Variants in KCNB2 observed in about 807,000 individuals in gnomAD.
KCNB2 encodes the protein potassium voltage-gated channel subfamily B member 2.
A neutral mutation model predicts 61.5 loss-of-function variants in KCNB2; 15 were observed. That is an observed-to-expected ratio of 0.24 (90% CI 0.16 to 0.38). The LOEUF is 0.38. KCNB2 is among the 10% of genes least tolerant of loss of function. The pLI is 1.00. For missense variants in KCNB2, 828 were observed against 1,125.2 expected, an observed-to-expected ratio of 0.74 and a Z score of 3.78; for synonymous variants, 457 against 446.0, an observed-to-expected ratio of 1.02 and a Z score of -0.31.
At chr8:72,619,152 A>T in intron 2 of KCNB2, 1 of 342,206 alleles carries the variant, frequency 2.9e-6, no homozygotes, top group Non-Finnish European at 5.7e-6. Flanking sequence ...TTCAATCTTG[A>T]TTTCTTCAGT....
intron 2 of KCNB2, among the ~76,000 whole-genome samples, chr8:72,655,739 G>C (rs1189143430): frequency 6.6e-6 from 1 of 152,102 alleles, no homozygotes; most frequent in Non-Finnish European, 1.5e-5. Flanking sequence ...TCATAATAAT[G>C]ATTAAGACTG....
chr8:72,641,038 G>A lies in KCNB2; in HGVS notation c.579+72725G>A, dbSNP rs539980236. Among the ~76,000 whole-genome samples, 4 of 152,202 alleles carry A rather than the reference G, an allele frequency of 2.6e-5. 1 individual carries two copies. The highest frequency in any genetic ancestry group is 2.6e-4 in the Admixed American group (4 of 15,262). ...GTAGGGGGCAGAGAAGTTGAGTAAA[G>A]GGACAATGAGAATTTTGAAAATGGA... On this transcript the variant is annotated intron_variant, in intron 2 of 2. Transcript: ENST00000523207.
chr8:72,758,770 G>T (rs1808333615), intron 2 of KCNB2, among the ~76,000 whole-genome samples: 1 of 152,140 alleles, frequency 6.6e-6, no homozygotes, highest in African/African-American at 2.4e-5. Flanking sequence ...GATTTAATTG[G>T]CAGTCATTGA....
intron 2 of KCNB2, among the ~76,000 whole-genome samples, chr8:72,868,747 G>A (rs1171689435): frequency 1.3e-5 from 2 of 152,098 alleles, no homozygotes; most frequent in East Asian, 1.9e-4. Context: ...AAAATGTGTT[G>A]TTCTAAATTG....
intron 2 of KCNB2, among the ~76,000 whole-genome samples, chr8:72,906,652 C>T (rs891704731): frequency 6.6e-6 from 1 of 152,174 alleles, no homozygotes; most frequent in Non-Finnish European, 1.5e-5. Flanking sequence ...GAGAGTGACT[C>T]ACAATGTTTT....
intron 2 of KCNB2, among the ~76,000 whole-genome samples, chr8:72,847,541 G>A (rs1157103372): frequency 1.3e-5 from 2 of 152,152 alleles, no homozygotes; most frequent in African/African-American, 2.4e-5. Flanking sequence ...GTATTCTTAT[G>A]TCAAGACTGT....
At chr8:72,823,575 T>C (rs1161330206) in intron 2 of KCNB2, among the ~76,000 whole-genome samples, 3 of 152,190 alleles carry the variant, frequency 2.0e-5, no homozygotes, top group African/African-American at 7.2e-5. Context: ...AGATAGAAGA[T>C]TCATGATGTT....
At chr8:72,626,099 A>T (rs2128984578) in intron 2 of KCNB2, among the ~76,000 whole-genome samples, 1 of 152,336 alleles carries the variant, frequency 6.6e-6, no homozygotes, top group Non-Finnish European at 1.5e-5. Flanking sequence ...TTTTCAGAAG[A>T]TCAAAGTCAC....
intron 2 of KCNB2, among the ~76,000 whole-genome samples, chr8:72,935,684 T>G (rs1319787409): frequency 6.6e-6 from 1 of 152,066 alleles, no homozygotes; most frequent in African/African-American, 2.4e-5. Context: ...CTCATCCAAA[T>G]GTTGGATGCC....
At chr8:72,629,570 C>T (rs1006398771) in intron 2 of KCNB2, among the ~76,000 whole-genome samples, 1 of 152,184 alleles carries the variant, frequency 6.6e-6, no homozygotes, top group African/African-American at 2.4e-5. Flanking sequence ...ATGTGATGCT[C>T]TGATTGGCTA....
At chr8:72,622,123 T>C (rs189638758) in intron 2 of KCNB2, among the ~76,000 whole-genome samples, 1 of 152,292 alleles carries the variant, frequency 6.6e-6, no homozygotes. Flanking sequence ...GATAAATTGA[T>C]AAATAAGATA....
At chr8:72,584,611 T>C (rs1470491080) in intron 2 of KCNB2, among the ~76,000 whole-genome samples, 1 of 152,166 alleles carries the variant, frequency 6.6e-6, no homozygotes, top group Admixed American at 6.5e-5. Flanking sequence ...CATAAACCAC[T>C]CTCACCTGCC....
intron 2 of KCNB2, among the ~76,000 whole-genome samples, chr8:72,814,835 T>A (rs2129000647): frequency 6.6e-6 from 1 of 152,254 alleles, no homozygotes; most frequent in East Asian, 1.9e-4. Context: ...TTGCTTTGAA[T>A]AAATAATGCA....
intron 2 of KCNB2, among the ~76,000 whole-genome samples, chr8:72,851,855 C>T (rs1192898426): frequency 2.6e-5 from 1 of 38,978 alleles, no homozygotes; most frequent in Non-Finnish European, 5.5e-5. Context: ...AAAACACGTA[C>T]TGCTGAGTTC....
intron 2 of KCNB2, among the ~76,000 whole-genome samples, chr8:72,787,660 T>G (rs1017633491): frequency 3.9e-5 from 6 of 152,040 alleles, no homozygotes; most frequent in Non-Finnish European, 8.8e-5. Context: ...GATTTCAGAG[T>G]AAAGTTTTGG....
chr8:72,765,504 TC>T (rs1386399001), intron 2 of KCNB2, among the ~76,000 whole-genome samples: 1 of 152,216 alleles, frequency 6.6e-6, no homozygotes, highest in Non-Finnish European at 1.5e-5. Flanking sequence ...TCTGAGAGGC[TC>T]CTCAGTTTTA....
At chr8:72,882,105 G>C (rs1019897256) in intron 2 of KCNB2, among the ~76,000 whole-genome samples, 3 of 152,080 alleles carry the variant, frequency 2.0e-5, no homozygotes, top group Non-Finnish European at 4.4e-5. Context: ...ATGTACTGAA[G>C]TGATCAGGTG....
At chr8:72,573,699 G>A (rs924738860) in intron 2 of KCNB2, among the ~76,000 whole-genome samples, 14 of 144,948 alleles carry the variant, frequency 9.7e-5, no homozygotes, top group Admixed American at 4.2e-4. Flanking sequence ...TCTGTGTACT[G>A]TGCAGTGCTA....
At chr8:72,841,372 C>CTTTTTTTTTTTT (rs769263287) in intron 2 of KCNB2, among the ~76,000 whole-genome samples, 75 of 34,198 alleles carry the variant, frequency 2.2e-3, no homozygotes, top group African/African-American at 4.8e-3. Context: ...TTTTTTTTTT[C>CTTTTTTTTTTTT]TTTTTTTTTT....
Sources: gnomAD v4.1 joint callset for allele counts (sites outside exome capture counted in the v4.1 genomes callset) on GRCh38, gnomAD v4.1.1 for gene constraint, MANE v1.5 for transcripts, NCBI Gene and HGNC (gene_info 2026-07-23, HGNC 2026-07-21) for gene names.